The following IPP variants were observed in gnomAD, a reference collection of about 807,000 sequenced individuals.
IPP encodes intracisternal A particle-promoted polypeptide.
A neutral mutation model predicts 64.1 loss-of-function variants in IPP; 41 were observed. The observed-to-expected ratio is 0.64, with a 90% confidence interval of 0.50 to 0.83. The LOEUF is 0.83. Ranked by LOEUF, IPP falls within the 40% of genes least tolerant of loss-of-function variation. The pLI, the probability that IPP is intolerant of heterozygous loss-of-function variation, is 0.00. For synonymous variants in IPP, 214 were observed against 235.2 expected, an observed-to-expected ratio of 0.91 and a Z score of 0.83; for missense variants, 649 against 703.0, an observed-to-expected ratio of 0.92 and a Z score of 0.87.
chr1:45,724,888 G>T (rs1424644596), intron 5 of IPP, among the ~76,000 whole-genome samples: 1 of 143,226 alleles, frequency 7.0e-6, no homozygotes, highest in Non-Finnish European at 1.6e-5. Flanking sequence ...GGAGGGAGGT[G>T]GGGGGGGTCA....
intron 8 of IPP, among the ~76,000 whole-genome samples, chr1:45,708,989 G>A (rs192187265): frequency 4.8e-4 from 66 of 136,674 alleles, no homozygotes; most frequent in Middle Eastern, 4.5e-3. Context: ...ATCCGAGCTC[G>A]TGCCGCTGCA....
At chr1:45,700,216 T>C (rs1645434597) in intron 8 of IPP, 26 bp from the exon 9 acceptor site, 1 of 1,582,764 alleles carries the variant, frequency 6.3e-7, no homozygotes, top group Admixed American at 1.8e-5. Flanking sequence ...AAAAAAAATA[T>C]GTTAGCAGTG....
intron 6 of IPP, among the ~76,000 whole-genome samples, chr1:45,717,234 A>AAAAAAAAAAAAAC (rs1645672825): frequency 6.6e-6 from 1 of 151,508 alleles, no homozygotes; most frequent in Admixed American, 6.6e-5. Context: ...AAAAAAAAAA[A>AAAAAAAAAAAAAC]AAAAAAAAAA....
chr1:45,731,282 A>C (rs1645901187), intron 3 of IPP, among the ~76,000 whole-genome samples: 1 of 152,086 alleles, frequency 6.6e-6, no homozygotes, highest in South Asian at 2.1e-4. Context: ...CTCTACAAAA[A>C]ATTTTAAAAT....
rs1474604924 is a variant in IPP, at chr1:45,698,987, A to G, written c.*979T>C. On this transcript the variant is annotated 3_prime_UTR_variant, in exon 9 of 9. Coordinates refer to ENST00000396478, the MANE Select transcript of IPP (RefSeq NM_005897.3). ...TCTTCCCGTCTCACCTCGGCCTCTC[A>G]AAGTGCTGGGATTACAGGTGTGAGC... 2.1e-6 allele frequency: 2 copies of G among 953,512 alleles called. No homozygotes were observed. Among genetic ancestry groups the G allele is most frequent in the Non-Finnish European group, 2.5e-6 (2 of 800,892 alleles). 59.1% of individuals were successfully genotyped at this position (953,512 alleles called of 1,614,324 possible).
chr1:45,702,445 G>A (rs1645467598), intron 8 of IPP, among the ~76,000 whole-genome samples: 1 of 152,046 alleles, frequency 6.6e-6, no homozygotes, highest in Non-Finnish European at 1.5e-5. Flanking sequence ...CATTGTCGTT[G>A]TTGTTGTTGT....
At chr1:45,712,173 C>G (rs1052885272) in intron 8 of IPP, among the ~76,000 whole-genome samples, 5 of 151,896 alleles carry the variant, frequency 3.3e-5, no homozygotes, top group African/African-American at 1.2e-4. Context: ...CAAAAATCAA[C>G]CAGGCATGGT....
At chr1:45,741,589 C>G (rs1646066630) in intron 2 of IPP, among the ~76,000 whole-genome samples, 1 of 151,780 alleles carries the variant, frequency 6.6e-6, no homozygotes. Context: ...TTATTATAAT[C>G]CCATGTGGTA....
chr1:45,730,108 G>A (rs566502705), intron 3 of IPP, among the ~76,000 whole-genome samples: 2 of 152,310 alleles, frequency 1.3e-5, no homozygotes, highest in Admixed American at 1.3e-4. Context: ...AGTACTTTGG[G>A]GGGCCAAGTC....
intron 8 of IPP, among the ~76,000 whole-genome samples, chr1:45,703,289 A>G (rs1645477742): frequency 1.3e-5 from 2 of 148,850 alleles, no homozygotes; most frequent in Admixed American, 1.4e-4. Flanking sequence ...GGTTTTCACC[A>G]TGTTGCCCAG....
intron 8 of IPP, among the ~76,000 whole-genome samples, chr1:45,703,103 T>C (rs1476277314): frequency 6.6e-6 from 1 of 151,784 alleles, no homozygotes; most frequent in Non-Finnish European, 1.5e-5. Flanking sequence ...TTCGTTTGTT[T>C]TAAAGACAAG....
At chr1:45,696,066 T>C (rs1031416592), downstream of IPP, among the ~76,000 whole-genome samples, 1 of 152,230 alleles carries the variant, frequency 6.6e-6, no homozygotes, top group Admixed American at 6.5e-5. Context: ...TTAAATTGCA[T>C]GAATGCTATA....
chr1:45,704,323 G>A (rs910145334), intron 8 of IPP, among the ~76,000 whole-genome samples: 2 of 150,776 alleles, frequency 1.3e-5, no homozygotes, highest in Non-Finnish European at 3.0e-5. Flanking sequence ...CTGCAGCCTC[G>A]GCTTCCTGGG....
intron 3 of IPP, among the ~76,000 whole-genome samples, chr1:45,739,237 CAA>C (rs1342587430): frequency 6.6e-6 from 1 of 151,988 alleles, no homozygotes; most frequent in Non-Finnish European, 1.5e-5. Flanking sequence ...CAGTGCATGA[CAA>C]GAGTAAAAAC....
intron 2 of IPP, among the ~76,000 whole-genome samples, chr1:45,744,966 T>C (rs1034412482): frequency 4.6e-5 from 7 of 152,102 alleles, no homozygotes; most frequent in African/African-American, 1.7e-4. Context: ...GGTGGTGAGA[T>C]GGTAGCACTA....
Position 45,740,165 on chromosome 1 carries a change from A to G in IPP, c.724+736T>C, listed in dbSNP as rs1031623626. Among the ~76,000 whole-genome samples, 9 of 152,366 alleles carry G rather than the reference A, an allele frequency of 5.9e-5. No homozygotes were observed. In the East Asian group the frequency reaches 1.7e-3, roughly 29 times the overall value. On this transcript the variant is annotated intron_variant, in intron 3 of 8. Transcript: ENST00000396478. Reference sequence around the variant, plus strand: ...TAAGGTCATAGATCAACAGGATCCCAAGGCAGAAGAATTTTTCTTAGCACA... The same window carrying G: ...TAAGGTCATAGATCAACAGGATCCCGAGGCAGAAGAATTTTTCTTAGCACA...
intron 8 of IPP, among the ~76,000 whole-genome samples, chr1:45,712,775 G>A (rs768372847): frequency 4.7e-5 from 7 of 150,354 alleles, no homozygotes; most frequent in South Asian, 2.1e-4. Flanking sequence ...GGAGAATGGC[G>A]TGAACCCAGG....
At chr1:45,696,805 A>ATT (rs1193817255), downstream of IPP, 4 of 152,132 alleles carry the variant, frequency 2.6e-5, no homozygotes, top group African/African-American at 7.3e-5. Context: ...AACAAAACCA[A>ATT]TCTTGTCATT....
chr1:45,699,547 A>G lies in IPP; in HGVS notation c.*419T>C. On this transcript the variant is annotated 3_prime_UTR_variant, in exon 9 of 9. Transcript: ENST00000396478. ...CTACACTTAAACTGGAGAATTCTAC[A>G]GCATAAATGGCATTTCTATTATTAG... 2 of 990,268 alleles carry G rather than the reference A, an allele frequency of 2.0e-6. No homozygotes were observed. The highest frequency in any genetic ancestry group is 3.5e-5 in the African/African-American group (2 of 57,430). 61.3% of individuals were successfully genotyped at this position (990,268 alleles called of 1,614,324 possible).
Sources: allele counts gnomAD v4.1 joint callset (sites outside exome capture counted in the v4.1 genomes callset), GRCh38; gene constraint gnomAD v4.1.1; transcripts MANE v1.5; gene names NCBI Gene and HGNC (gene_info 2026-07-23, HGNC 2026-07-21).